The following SPRYD3 variants were observed in gnomAD, a reference collection of about 807,000 sequenced individuals.
SPRYD3 encodes SPRY domain-containing protein 3.
A neutral mutation model predicts 50.1 loss-of-function variants in SPRYD3; 17 were observed. The ratio of observed to expected loss-of-function variants is 0.34; its 90% CI spans 0.23 to 0.51. The LOEUF (loss-of-function observed/expected upper bound fraction) is 0.51. SPRYD3 is among the 20% of genes least tolerant of loss of function. The probability of loss-of-function intolerance (pLI) is 0.97; values close to 1 mark genes in which losing one functional copy is unlikely to be tolerated. For synonymous variants in SPRYD3, 198 were observed against 215.5 expected (o/e 0.92, Z 0.71); for missense variants, 401 against 591.2 (o/e 0.68, Z 3.34).
At chr12:53,071,852 C>G (rs773465092) in intron 6 of SPRYD3, among the ~76,000 whole-genome samples, 1 of 152,050 alleles carries the variant, frequency 6.6e-6, no homozygotes, top group Non-Finnish European at 1.5e-5. Flanking sequence ...ACCCTGCCAC[C>G]TGGCCCAAGC....
intron 8 of SPRYD3, among the ~76,000 whole-genome samples, chr12:53,067,366 G>C (rs533689751): frequency 6.6e-6 from 1 of 152,102 alleles, no homozygotes; most frequent in East Asian, 1.9e-4. Flanking sequence ...AAGAAAATGA[G>C]GAAATGAGGG....
chr12:53,077,619 C>A (rs1944599020), intron 1 of SPRYD3, among the ~76,000 whole-genome samples: 1 of 152,148 alleles, frequency 6.6e-6, no homozygotes, highest in African/African-American at 2.4e-5. Context: ...GGCGGTCTCT[C>A]TGAGGAGGTG....
intron 2 of SPRYD3, among the ~76,000 whole-genome samples, chr12:53,076,280 G>C (rs752612938): frequency 1.3e-5 from 2 of 152,164 alleles, no homozygotes; most frequent in African/African-American, 2.4e-5. Flanking sequence ...TAGTTAAACA[G>C]TACTACTTTC....
At position 53,074,897 on chromosome 12, in the gene SPRYD3, G is replaced by A. The variant is rs1944577585; in HGVS notation, c.372-113C>T. 7.0e-7 allele frequency: 1 copy of A among 1,434,738 alleles called. No homozygotes were observed. The highest frequency in any genetic ancestry group is 1.2e-5 in the South Asian group (1 of 80,256). 88.9% of individuals were successfully genotyped at this position (1,434,738 alleles called of 1,614,324 possible). ...TGCTGCTCCTGGTCATTCTGTGATGGTACCCACTTACGTCCTGGCGTGAGC... is the reference window on the plus strand; with the variant it reads ...TGCTGCTCCTGGTCATTCTGTGATGATACCCACTTACGTCCTGGCGTGAGC... On this transcript the variant is annotated intron_variant, in intron 4 of 10. Transcript: ENST00000301463. The surrounding 1 kb of genome is among the most constrained non-coding windows in gnomAD (Gnocchi z 4.6).
chr12:53,077,062 T>G (rs1393143905), intron 2 of SPRYD3, 53 bp downstream of exon 2: 1 of 1,552,488 alleles, frequency 6.4e-7, no homozygotes, highest in South Asian at 1.2e-5. Context: ...AACCCTTTCC[T>G]CTCTAAGATC....
intron 10 of SPRYD3, 105 bp from the exon 11 acceptor site, chr12:53,066,071 G>GCTGGAAGCT: frequency 6.8e-7 from 1 of 1,465,654 alleles, no homozygotes; most frequent in Non-Finnish European, 9.3e-7. Flanking sequence ...AGCTTCCAGC[G>GCTGGAAGCT]GGGCTGGAGA....
Position 53,066,705 on chromosome 12 carries a change from G to A in SPRYD3, c.902-13C>T. On this transcript the variant is annotated splice_polypyrimidine_tract_variant and intron_variant, in intron 8 of 10. Transcript: ENST00000301463. ...ATCTTCCCATCGTCTGTTGGAGGGA[G>A]GGGAAAGGACAAACACTTGAGGAAG... 2 of 1,598,518 alleles carry A rather than the reference G, an allele frequency of 1.3e-6. No homozygotes were observed. The highest frequency in any genetic ancestry group is 1.7e-5 in the Admixed American group (1 of 58,964).
In SPRYD3 at chr12:53,074,816, G is replaced by C; in HGVS notation, c.372-32C>G. ...ACAGAGTAGTACAGACACAGGACCC[G>C]AGCCTGGCCTCCCAACTTCTCCCCA... On this transcript the variant is annotated intron_variant, in intron 4 of 10. Transcript: ENST00000301463. This position sits in a 1 kb window ranked among gnomAD's most constrained non-coding sequence, Gnocchi z 4.6. 1.2e-6 allele frequency: 2 copies of C among 1,610,894 alleles called. No individual in the cohort carries two copies. Among genetic ancestry groups the C allele is most frequent in the Non-Finnish European group, 8.5e-7 (1 of 1,177,524 alleles).
chr12:53,076,220 A>G (rs1164298296), intron 2 of SPRYD3, among the ~76,000 whole-genome samples: 1 of 152,124 alleles, frequency 6.6e-6, no homozygotes, highest in African/African-American at 2.4e-5. Context: ...AAAGCCCTTC[A>G]TCGATTGGAA....
chr12:53,074,569 A>G lies in SPRYD3; in HGVS notation c.507+80T>C. On this transcript the variant is annotated intron_variant, in intron 5 of 10. Transcript: ENST00000301463. The surrounding 1 kb of genome is among the most constrained non-coding windows in gnomAD (Gnocchi z 4.6). Reference sequence around the variant, plus strand: ...AAGGGTCCCTGGGCAAGCCCCAGCCAGCAGACTCTTCCTAATCACTCCCCA... The same window carrying G: ...AAGGGTCCCTGGGCAAGCCCCAGCCGGCAGACTCTTCCTAATCACTCCCCA... 6.3e-7 allele frequency: 1 copy of G among 1,575,260 alleles called. No individual in the cohort carries two copies.
chr12:53,065,525 G>C lies in SPRYD3; in HGVS notation c.*307C>G, dbSNP rs574328956. Reference sequence around the variant, plus strand: ...CACGCCTCTCCACCCACACAGGGCCGGTGAGGGAAAGGGGGACCCAGAAGC... The same window carrying C: ...CACGCCTCTCCACCCACACAGGGCCCGTGAGGGAAAGGGGGACCCAGAAGC... On this transcript the variant is annotated 3_prime_UTR_variant, in exon 11 of 11. Transcript: ENST00000301463. The C allele has an allele frequency of 1.5e-5, 5 of 332,776 alleles. No homozygotes were observed. Among genetic ancestry groups the C allele is most frequent in the African/African-American group, 1.0e-4 (5 of 48,380 alleles). 20.6% of individuals were successfully genotyped at this position (332,776 alleles called of 1,614,324 possible).
At chr12:53,073,254 C>A in intron 6 of SPRYD3, 32 bp downstream of exon 6, 1 of 431,786 alleles carries the variant, frequency 2.3e-6, no homozygotes. Context: ...TCCTCCGACC[C>A]AGCCCCTCCC....
At chr12:53,069,998 C>T (rs1944537835) in intron 6 of SPRYD3, among the ~76,000 whole-genome samples, 1 of 152,216 alleles carries the variant, frequency 6.6e-6, no homozygotes, top group South Asian at 2.1e-4. Context: ...CCAGCCCCTC[C>T]CTTTGCCTCA....
In SPRYD3 at chr12:53,065,568, T is replaced by G; in HGVS notation, c.*264A>C. On this transcript the variant is annotated 3_prime_UTR_variant, in exon 11 of 11. Transcript: ENST00000301463. ...CCAGAAGCCCACTGACCAAAGCGAG[T>G]GGGACCACCCACATACCAACACCAT... is the stretch of plus-strand genomic sequence containing the variant. 1 of 421,974 alleles carries G rather than the reference T, an allele frequency of 2.4e-6. No individual in the cohort carries two copies. Among genetic ancestry groups the G allele is most frequent in the South Asian group, 4.5e-5 (1 of 22,072 alleles). The allele number at this position is 421,974 out of a possible 1,614,324, so 26.1% of individuals were successfully genotyped here.
chr12:53,077,352 C>T, intron 1 of SPRYD3, 91 bp from the exon 2 acceptor site: 17 of 1,425,120 alleles, frequency 1.2e-5, no homozygotes, highest in Non-Finnish European at 1.5e-5. Flanking sequence ...AAGGCACTGG[C>T]CTTGAGGCCA....
At chr12:53,076,180 G>A (rs953668904) in intron 2 of SPRYD3, among the ~76,000 whole-genome samples, 5 of 152,218 alleles carry the variant, frequency 3.3e-5, no homozygotes, top group Non-Finnish European at 7.3e-5. Context: ...TGGAGCTGGA[G>A]AATAATGGCT....
intron 6 of SPRYD3, among the ~76,000 whole-genome samples, chr12:53,069,143 G>A (rs1372635874): frequency 6.6e-6 from 1 of 152,098 alleles, no homozygotes; most frequent in Admixed American, 6.6e-5. Flanking sequence ...AATCTGGGAG[G>A]ATTTATTTGT....
In SPRYD3 at chr12:53,079,320, C is replaced by G. The variant is rs753776722; in HGVS notation, c.14G>C (p.Arg5Pro). ...CCCGATCCCCGCCTACCGGGGCCGC[C>G]GCGTCCTCCTCATCCATAGGCCTCT... Reference protein sequence around the residue: MRRTRRPRFVLMNKM... With the variant: MRRTPRPRFVLMNKM... The change falls in exon 1 of 11, where the codon CGG (arginine) becomes CCG (proline). Residue 5 changes from arginine to proline, a missense_variant. Coordinates refer to ENST00000301463, the MANE Select transcript of SPRYD3 (RefSeq NM_032840.3). 9.9e-6 allele frequency: 16 copies of G among 1,608,660 alleles called. No homozygotes were observed. The highest frequency in any genetic ancestry group is 1.4e-5 in the Non-Finnish European group (16 of 1,177,830).
intron 2 of SPRYD3, among the ~76,000 whole-genome samples, chr12:53,076,726 T>C (rs959418369): frequency 3.9e-5 from 6 of 151,984 alleles, no homozygotes; most frequent in African/African-American, 1.5e-4. Context: ...GGCGGGTGGA[T>C]CACTTGAAGT....
Sources: gnomAD v4.1 joint callset for allele counts (sites outside exome capture counted in the v4.1 genomes callset) on GRCh38, gnomAD v4.1.1 for gene constraint, Gnocchi (gnomAD v3.1) non-coding constraint, MANE v1.5 for transcripts, NCBI Gene and HGNC (gene_info 2026-07-23, HGNC 2026-07-21) for gene names.